Variants in ANO1 observed in about 807,000 individuals in gnomAD.
ANO1 encodes anoctamin-1.
In ANO1, 59 loss-of-function variants were observed where a neutral mutation model predicts 124.0. The ratio of observed to expected loss-of-function variants is 0.48; its 90% CI spans 0.39 to 0.59. The LOEUF is 0.59. Ranked by LOEUF, ANO1 falls within the 20% of genes least tolerant of loss-of-function variation. The pLI is 0.00. For missense variants in ANO1, 1,059 were observed against 1,328.0 expected (o/e 0.80, Z 3.15); for synonymous variants, 529 against 532.0 (o/e 0.99, Z 0.08).
At chr11:70,039,933 A>G (rs781920533) in intron 1 of ANO1, among the ~76,000 whole-genome samples, 1 of 152,170 alleles carries the variant, frequency 6.6e-6, no homozygotes, top group Non-Finnish European at 1.5e-5. Context: ...TCAGGGTCTA[A>G]AGAAAGAACT....
chr11:70,035,561 G>T (rs1383365469), intron 1 of ANO1, among the ~76,000 whole-genome samples: 1 of 147,876 alleles, frequency 6.8e-6, no homozygotes, highest in South Asian at 2.4e-4. Flanking sequence ...GGATACATAT[G>T]CAGAACGTGC....
intron 1 of ANO1, chr11:70,063,546 C>T (rs4980761): frequency 0.036 from 5,541 of 152,228 alleles, 246 homozygotes; most frequent in East Asian, 0.17. Flanking sequence ...TTCTTGGTGC[C>T]TCATTACACA....
chr11:70,158,846 T>A (rs1301282957), intron 16 of ANO1, among the ~76,000 whole-genome samples: 2 of 8,304 alleles, frequency 2.4e-4, no homozygotes, highest in East Asian at 7.6e-3. Flanking sequence ...ACCCCCTCGG[T>A]GGGGGCTGGG....
the ANO1 span, among the ~76,000 whole-genome samples, chr11:69,972,815 G>C: frequency 2.0e-5 from 3 of 152,056 alleles, no homozygotes; most frequent in Non-Finnish European, 2.9e-5. Flanking sequence ...TCTACCTGCC[G>C]GCCTCCATTC....
At chr11:70,051,595 G>GGT (rs1857350437) in intron 1 of ANO1, among the ~76,000 whole-genome samples, 1 of 152,156 alleles carries the variant, frequency 6.6e-6, no homozygotes, top group South Asian at 2.1e-4. Context: ...CAGCCATTCT[G>GGT]GTGTGTGTGT....
intron 1 of ANO1, among the ~76,000 whole-genome samples, chr11:70,025,884 AT>A (rs1233969686): frequency 2.7e-5 from 2 of 74,598 alleles, no homozygotes; most frequent in Non-Finnish European, 5.7e-5. Context: ...GGTGGTGGTG[AT>A]GATGGTGATG....
intron 2 of ANO1, among the ~76,000 whole-genome samples, chr11:70,097,433 T>TA (rs1240086496): frequency 6.6e-6 from 1 of 152,200 alleles, no homozygotes; most frequent in Non-Finnish European, 1.5e-5. Context: ...TGATCAGCAG[T>TA]AACTGTGGCG....
chr11:70,055,539 G>A (rs145924785), intron 1 of ANO1, among the ~76,000 whole-genome samples: 1,640 of 151,922 alleles, frequency 0.011, 18 homozygotes, highest in South Asian at 0.017. Context: ...TCCATCATTT[G>A]ACTTTTAATC....
Position 70,149,594 on chromosome 11 carries a change from G to A in ANO1, c.1259-116G>A. The A allele has an allele frequency of 2.8e-6, 3 of 1,056,594 alleles. No homozygotes were observed. The South Asian group carries it at 4.4e-5, about 15-fold the overall frequency. The allele number at this position is 1,056,594 out of a possible 1,614,324, so 65.5% of individuals were successfully genotyped here. A position where few individuals can be genotyped will look rare whatever the true frequency, so the allele number is the denominator to read the frequency against. On this transcript the variant is annotated intron_variant, in intron 11 of 25. Transcript: ENST00000355303. ...TGAACCCAGGAGGCGAGATTGCAGT[G>A]GGTGGAGATTGCGCCATTGCACTAC...
At chr11:70,082,622 C>T (rs1218875554) in intron 1 of ANO1, among the ~76,000 whole-genome samples, 2 of 152,182 alleles carry the variant, frequency 1.3e-5, no homozygotes, top group Admixed American at 6.5e-5. Context: ...GGTTGCTTGC[C>T]CCTTTCTTAA....
intron 1 of ANO1, among the ~76,000 whole-genome samples, chr11:70,002,299 A>C (rs1856396549): frequency 6.6e-6 from 1 of 151,800 alleles, no homozygotes; most frequent in African/African-American, 2.4e-5. Flanking sequence ...CCCCATCTCT[A>C]CTAAAAATAC....
intron 17 of ANO1, 98 bp from the exon 18 acceptor site, chr11:70,161,524 C>T (rs568100965): frequency 1.2e-5 from 17 of 1,433,246 alleles, no homozygotes; most frequent in Admixed American, 1.7e-5. Context: ...CTATGAGAGC[C>T]GACTGAGTGA....
At chr11:70,035,907 C>T (rs2135043794) in intron 1 of ANO1, among the ~76,000 whole-genome samples, 1 of 152,268 alleles carries the variant, frequency 6.6e-6, no homozygotes, top group Non-Finnish European at 1.5e-5. Context: ...GCCACATTTT[C>T]TTTATCCAAT....
At chr11:70,036,828 C>T (rs1001837476) in intron 1 of ANO1, among the ~76,000 whole-genome samples, 1 of 152,158 alleles carries the variant, frequency 6.6e-6, no homozygotes, top group Non-Finnish European at 1.5e-5. Context: ...AGGATGGTCT[C>T]AATCTCCTGA....
the ANO1 span, among the ~76,000 whole-genome samples, chr11:69,971,039 C>T: frequency 3.3e-5 from 5 of 152,164 alleles, no homozygotes; most frequent in African/African-American, 9.7e-5. Flanking sequence ...TGGGTTGTCA[C>T]ATGTCAGGTA....
At chr11:70,163,413 G>C (rs1408762035) in intron 19 of ANO1, 73 bp downstream of exon 19, 2 of 1,542,138 alleles carry the variant, frequency 1.3e-6, no homozygotes, top group Non-Finnish European at 1.8e-6. Context: ...ATGCACTTGG[G>C]AGAAGCAGCT....
At chr11:70,062,063 C>CTTTTTTT (rs1857593075) in intron 1 of ANO1, among the ~76,000 whole-genome samples, 4 of 76,700 alleles carry the variant, frequency 5.2e-5, no homozygotes, top group Non-Finnish European at 1.1e-4. Context: ...CTCTTTCCTT[C>CTTTTTTT]TTTCTTTTTT....
At chr11:70,175,056 G>T (rs915382115) in intron 22 of ANO1, among the ~76,000 whole-genome samples, 1 of 152,018 alleles carries the variant, frequency 6.6e-6, no homozygotes, top group Non-Finnish European at 1.5e-5. Context: ...GTTTGCTCTG[G>T]CACCCTCTGC....
intron 1 of ANO1, among the ~76,000 whole-genome samples, chr11:70,065,627 C>T (rs1206060509): frequency 4.6e-5 from 7 of 151,944 alleles, no homozygotes; most frequent in African/African-American, 1.2e-4. Context: ...TGCCCTTGTC[C>T]CCCGTCGTCC....
Sources: allele counts gnomAD v4.1 joint callset (sites outside exome capture counted in the v4.1 genomes callset), GRCh38; gene constraint gnomAD v4.1.1; transcripts MANE v1.5; gene names NCBI Gene and HGNC (gene_info 2026-07-23, HGNC 2026-07-21).